PARD3: variants seen among roughly 807,000 people sequenced by gnomAD.
The protein encoded by PARD3 is partitioning defective 3 homolog.
A neutral mutation model predicts 155.4 loss-of-function variants in PARD3; 75 were observed. That is an observed-to-expected ratio of 0.48 (90% confidence interval 0.40 to 0.58). PARD3 has a LOEUF of 0.58. PARD3 is among the 20% of genes least tolerant of loss of function. The pLI is 0.00. For synonymous variants in PARD3, 576 were observed against 610.5 expected, an observed-to-expected ratio of 0.94 and a Z score of 0.83; for missense variants, 1,642 against 1,721.7, an observed-to-expected ratio of 0.95 and a Z score of 0.82.
chr10:34,509,981 G>T (rs1001556116), intron 3 of PARD3, among the ~76,000 whole-genome samples: 1 of 152,200 alleles, frequency 6.6e-6, no homozygotes, highest in Non-Finnish European at 1.5e-5. Flanking sequence ...CAACAAAAAA[G>T]AAGGATATCA....
chr10:34,173,305 T>A (rs1196537373), intron 22 of PARD3, among the ~76,000 whole-genome samples: 1 of 152,144 alleles, frequency 6.6e-6, no homozygotes, highest in East Asian at 1.9e-4. Flanking sequence ...GGCCATGCAA[T>A]AAGCAAACCC....
intron 1 of PARD3, among the ~76,000 whole-genome samples, chr10:34,699,310 A>G (rs1310805149): frequency 6.8e-6 from 1 of 147,812 alleles, no homozygotes; most frequent in Non-Finnish European, 1.5e-5. Context: ...ACCCCAACAG[A>G]GCATGCTGCA....
intron 20 of PARD3, among the ~76,000 whole-genome samples, chr10:34,285,584 A>G (rs1778869): frequency 0.1 from 15,578 of 152,146 alleles, 840 homozygotes; most frequent in African/African-American, 0.12. Context: ...TCAAAAAAAA[A>G]AAAGAAAGAA....
intron 1 of PARD3, among the ~76,000 whole-genome samples, chr10:34,756,150 C>CTTTTTTTTTT (rs58993670): frequency 1.1e-5 from 1 of 94,544 alleles, no homozygotes; most frequent in African/African-American, 4.2e-5. Flanking sequence ...AAAAATGCAC[C>CTTTTTTTTTT]TTTTTTTTTT....
At chr10:34,342,876 G>A (rs1836984520) in intron 15 of PARD3, among the ~76,000 whole-genome samples, 2 of 152,066 alleles carry the variant, frequency 1.3e-5, no homozygotes, top group African/African-American at 2.4e-5. Flanking sequence ...TTCTCAGCAC[G>A]TTACCAAGAA....
intron 2 of PARD3, among the ~76,000 whole-genome samples, chr10:34,630,001 G>A (rs995193728): frequency 4.6e-5 from 7 of 152,106 alleles, no homozygotes; most frequent in African/African-American, 1.2e-4. Context: ...TGTGGTCAGC[G>A]AAACACGGCC....
intron 2 of PARD3, among the ~76,000 whole-genome samples, chr10:34,607,154 A>C (rs2090530721): frequency 6.6e-6 from 1 of 152,080 alleles, no homozygotes; most frequent in Non-Finnish European, 1.5e-5. Context: ...TTCACCTTAC[A>C]GATTTCGAAA....
At chr10:34,402,059 C>T (rs1843944393) in intron 5 of PARD3, 142 bp from the exon 6 acceptor site, 1 of 717,170 alleles carries the variant, frequency 1.4e-6, no homozygotes, top group African/African-American at 1.7e-5. Flanking sequence ...CCTTTAATGA[C>T]AGGATCAGTG....
chr10:34,387,897 T>C (rs1842505876), intron 7 of PARD3, among the ~76,000 whole-genome samples: 1 of 152,224 alleles, frequency 6.6e-6, no homozygotes, highest in Admixed American at 6.5e-5. Flanking sequence ...AAATAAGTCC[T>C]CATCAATGGC....
intron 14 of PARD3, among the ~76,000 whole-genome samples, chr10:34,353,773 C>T (rs991556157): frequency 6.6e-6 from 1 of 151,180 alleles, no homozygotes; most frequent in African/African-American, 2.4e-5. Flanking sequence ...AAGTCTTCAA[C>T]AAATGTGTCC....
At chr10:34,318,759 A>ATTTTTTTAT (rs1564579712) in intron 19 of PARD3, among the ~76,000 whole-genome samples, 1 of 151,912 alleles carries the variant, frequency 6.6e-6, no homozygotes. Flanking sequence ...AAAGCTCAGA[A>ATTTTTTTAT]TTTTTTTATT....
In PARD3 at chr10:34,463,717, TG is replaced by T. The variant is rs2077825724; in HGVS notation, c.582+6367del. Reference sequence around the variant, plus strand: ...TCTCAAAAAAAACATTATACAGTCATGCACCCCATAACAACGTCAATGGACC... The same window carrying T: ...TCTCAAAAAAAACATTATACAGTCATCACCCCATAACAACGTCAATGGACC... On this transcript the variant is annotated intron_variant, in intron 4 of 24. Transcript: ENST00000374788. Among the ~76,000 whole-genome samples, 3 of 152,176 alleles carry T rather than the reference TG, an allele frequency of 2.0e-5. No homozygotes were observed. In the South Asian group the frequency reaches 6.2e-4, roughly 32 times the overall value.
At chr10:34,354,013 A>C (rs1011291349) in intron 14 of PARD3, among the ~76,000 whole-genome samples, 1 of 151,844 alleles carries the variant, frequency 6.6e-6, no homozygotes, top group Non-Finnish European at 1.5e-5. Context: ...ATTAGATCTA[A>C]GAAAAGAAGG....
At chr10:34,174,808 G>A (rs1949961886) in intron 22 of PARD3, among the ~76,000 whole-genome samples, 1 of 152,002 alleles carries the variant, frequency 6.6e-6, no homozygotes, top group Admixed American at 6.5e-5. Context: ...TGTTTTGATT[G>A]TTCTTCTATA....
At chr10:34,642,101 G>A (rs1045770727) in intron 2 of PARD3, among the ~76,000 whole-genome samples, 16 of 152,040 alleles carry the variant, frequency 1.1e-4, no homozygotes, top group South Asian at 4.1e-4. Context: ...CTGTAAGCAC[G>A]GCCCCTGTCC....
At chr10:34,410,968 C>T (rs190932968) in intron 5 of PARD3, among the ~76,000 whole-genome samples, 1 of 152,228 alleles carries the variant, frequency 6.6e-6, no homozygotes, top group Non-Finnish European at 1.5e-5. Flanking sequence ...AGAACTGAAC[C>T]AAATATGCTG....
intron 2 of PARD3, among the ~76,000 whole-genome samples, chr10:34,566,009 A>G (rs970700932): frequency 6.6e-6 from 1 of 152,232 alleles, no homozygotes; most frequent in African/African-American, 2.4e-5. Context: ...AATACATTCC[A>G]TCGATCCTGG....
Position 34,508,543 on chromosome 10 carries a change from GA to G in PARD3, c.403+8435del, listed in dbSNP as rs11443215. Reference sequence around the variant, plus strand: ...TACAAAAAGTCCTTGGGAACTGAAGGAAAAAAAAAATCATAGAGTGAAAAAG... The same window carrying G: ...TACAAAAAGTCCTTGGGAACTGAAGGAAAAAAAAATCATAGAGTGAAAAAG... On this transcript the variant is annotated intron_variant, in intron 3 of 24. Transcript: ENST00000374788. Among the ~76,000 whole-genome samples, 1,037 of 148,874 alleles carry G rather than the reference GA, an allele frequency of 7.0e-3. 11 individuals are homozygous for G. Among genetic ancestry groups the G allele is most frequent in the African/African-American group, 0.024 (985 of 40,710 alleles).
At chr10:34,236,864 A>C (rs1953265858) in intron 22 of PARD3, among the ~76,000 whole-genome samples, 1 of 152,172 alleles carries the variant, frequency 6.6e-6, no homozygotes, top group African/African-American at 2.4e-5. Flanking sequence ...AGTGAGAATT[A>C]GGGTTCTTAA....
Sources: allele counts gnomAD v4.1 joint callset (sites outside exome capture counted in the v4.1 genomes callset), GRCh38; gene constraint gnomAD v4.1.1; transcripts MANE v1.5; gene names NCBI Gene and HGNC (gene_info 2026-07-23, HGNC 2026-07-21).